Variants in PSMB7 observed in about 807,000 individuals in gnomAD.
PSMB7 encodes proteasome 20S subunit beta 7.
Under a neutral mutation model 28.1 loss-of-function variants are expected in PSMB7, and 5 were observed. The ratio of observed to expected loss-of-function variants is 0.18; its 90% CI spans 0.09 to 0.37. The LOEUF (loss-of-function observed/expected upper bound fraction) is 0.37. PSMB7 is among the 10% of genes least tolerant of loss of function. The pLI is 1.00. For synonymous variants in PSMB7, 122 were observed against 123.7 expected (o/e 0.99, Z 0.09); for missense variants, 275 against 346.2 (o/e 0.79, Z 1.63).
rs1464706752 is a variant in PSMB7, at chr9:124,413,384, A to G, written c.254+524T>C. Among the ~76,000 whole-genome samples the G allele has an allele frequency of 2.0e-5, 3 of 152,096 alleles. No homozygotes were observed. In the East Asian group the frequency reaches 5.8e-4, roughly 30 times the overall value. ...AAGACGCTTGAAGGGTAGGCTTTCT[A>G]TGAGACTGTGCAAGGCCACAGAATT... On this transcript the variant is annotated intron_variant, in intron 3 of 7. Transcript: ENST00000259457.
chr9:124,404,177 C>T (rs1183357649), intron 5 of PSMB7, among the ~76,000 whole-genome samples: 3 of 152,124 alleles, frequency 2.0e-5, no homozygotes, highest in Non-Finnish European at 4.4e-5. Flanking sequence ...GCATGAGCCA[C>T]CGTGCCTGGC....
chr9:124,373,199 C>A (rs888656479), intron 6 of PSMB7, among the ~76,000 whole-genome samples: 11 of 152,202 alleles, frequency 7.2e-5, no homozygotes, highest in African/African-American at 2.4e-4. Context: ...ACCCACTGAA[C>A]CATAAATGCC....
Position 124,415,354 on chromosome 9 carries a change from A to G in PSMB7, c.62+10T>C. On this transcript the variant is annotated intron_variant, in intron 1 of 7. Transcript: ENST00000259457. The stretch of plus-strand genomic sequence containing the variant: ...TCCCTCCCTGAACCAAGCCCCAAGC[A>G]AGGCGGCACCTGCGGCAGTTATCAA... The G allele has an allele frequency of 6.2e-7, 1 of 1,613,824 alleles. No homozygotes were observed. Among genetic ancestry groups the G allele is most frequent in the Admixed American group, 1.7e-5 (1 of 60,026 alleles).
chr9:124,412,559 T>G, intron 3 of PSMB7, 67 bp from the exon 4 acceptor site: 26 of 1,542,934 alleles, frequency 1.7e-5, no homozygotes, highest in Non-Finnish European at 2.3e-5. Flanking sequence ...AAGTAATGGG[T>G]TCTTGGATAA....
chr9:124,354,887 G>GT (rs1394428885), intron 7 of PSMB7, among the ~76,000 whole-genome samples: 4 of 152,194 alleles, frequency 2.6e-5, no homozygotes, highest in African/African-American at 9.6e-5. Flanking sequence ...CCTCACCACT[G>GT]TGGTGACAGT....
At chr9:124,384,282 G>A (rs777355997) in intron 6 of PSMB7, 12 of 305,244 alleles carry the variant, frequency 3.9e-5, no homozygotes, top group Non-Finnish European at 7.2e-5. Flanking sequence ...TTGAGATATC[G>A]TGACACAGAA....
intron 6 of PSMB7, among the ~76,000 whole-genome samples, chr9:124,371,671 C>T (rs1237495079): frequency 6.6e-6 from 1 of 152,166 alleles, no homozygotes; most frequent in East Asian, 1.9e-4. Flanking sequence ...ACCTGAGACC[C>T]AAGTTAGCAA....
chr9:124,373,338 T>A (rs569721352), intron 6 of PSMB7, among the ~76,000 whole-genome samples: 11 of 152,322 alleles, frequency 7.2e-5, no homozygotes, highest in Admixed American at 1.3e-4. Context: ...AAACCTAACG[T>A]TTTATGCTAA....
chr9:124,378,833 G>A (rs1044900222), intron 6 of PSMB7, among the ~76,000 whole-genome samples: 1 of 152,176 alleles, frequency 6.6e-6, no homozygotes, highest in East Asian at 1.9e-4. Flanking sequence ...CCAAGCTAAT[G>A]CCATATTTCC....
chr9:124,410,010 ATT>A (rs11396783), intron 4 of PSMB7, among the ~76,000 whole-genome samples: 3 of 144,720 alleles, frequency 2.1e-5, no homozygotes, highest in African/African-American at 7.6e-5. Flanking sequence ...AGAATTTAGA[ATT>A]TTTTTTTTTT....
intron 6 of PSMB7, among the ~76,000 whole-genome samples, chr9:124,373,385 A>C (rs1171844671): frequency 6.6e-6 from 1 of 152,234 alleles, no homozygotes; most frequent in Non-Finnish European, 1.5e-5. Flanking sequence ...GAAAACTGAT[A>C]CATCTTTTGA....
intron 5 of PSMB7, among the ~76,000 whole-genome samples, chr9:124,390,020 C>T (rs1830768336): frequency 6.6e-6 from 1 of 152,134 alleles, no homozygotes; most frequent in Admixed American, 6.5e-5. Context: ...CTAAAAAGAG[C>T]TCACAGATAA....
chr9:124,381,359 T>C (rs1588573986), intron 6 of PSMB7, among the ~76,000 whole-genome samples: 1 of 152,354 alleles, frequency 6.6e-6, no homozygotes. Context: ...GGCCTAAAAA[T>C]TACTGTTGGT....
intron 2 of PSMB7, among the ~76,000 whole-genome samples, chr9:124,414,243 C>T (rs1831061733): frequency 6.6e-6 from 1 of 152,174 alleles, no homozygotes; most frequent in Non-Finnish European, 1.5e-5. Flanking sequence ...TCAAGTGAGG[C>T]TCAGGTGTCG....
intron 6 of PSMB7, among the ~76,000 whole-genome samples, chr9:124,379,763 C>T (rs1830646716): frequency 6.6e-6 from 1 of 152,182 alleles, no homozygotes; most frequent in African/African-American, 2.4e-5. Flanking sequence ...CTCTGTGCCC[C>T]AATACTGCAC....
intron 5 of PSMB7, among the ~76,000 whole-genome samples, chr9:124,389,566 C>T (rs565284258): frequency 2.2e-4 from 34 of 152,192 alleles, no homozygotes; most frequent in Non-Finnish European, 4.3e-4. Flanking sequence ...CTGTTCAACA[C>T]CCGCCACCCC....
intron 6 of PSMB7, among the ~76,000 whole-genome samples, chr9:124,378,206 A>G (rs938318450): frequency 2.6e-5 from 4 of 152,238 alleles, no homozygotes; most frequent in African/African-American, 9.6e-5. Flanking sequence ...ATTTATAAAT[A>G]TTGTGCACTA....
At chr9:124,389,434 AC>A (rs1191644922) in intron 5 of PSMB7, among the ~76,000 whole-genome samples, 4 of 152,100 alleles carry the variant, frequency 2.6e-5, no homozygotes, top group Non-Finnish European at 5.9e-5. Flanking sequence ...AAACAGAAAA[AC>A]AAGGTGCAAT....
intron 5 of PSMB7, among the ~76,000 whole-genome samples, chr9:124,402,286 C>T (rs1184887904): frequency 6.6e-6 from 1 of 152,148 alleles, no homozygotes; most frequent in Admixed American, 6.6e-5. Context: ...CAAAGTTGGG[C>T]GGCAGAAGTA....
Sources: allele counts gnomAD v4.1 joint callset (sites outside exome capture counted in the v4.1 genomes callset), GRCh38; gene constraint gnomAD v4.1.1; transcripts MANE v1.5; gene names NCBI Gene and HGNC (gene_info 2026-07-23, HGNC 2026-07-21).